The following FLYWCH1 variants were observed in gnomAD, a reference collection of about 807,000 sequenced individuals.
FLYWCH1 encodes FLYWCH-type zinc finger 1, also known as FLYWCH-type zinc finger-containing protein 1.
FLYWCH1 carries 75 observed loss-of-function variants against 66.4 expected under a neutral mutation model. That is an observed-to-expected ratio of 1.13 (90% CI 0.94 to 1.37). The LOEUF (loss-of-function observed/expected upper bound fraction) is 1.37. Among genes scored for constraint, FLYWCH1 ranks in the 40% most tolerant of loss-of-function variants. The pLI, the probability that FLYWCH1 is intolerant of heterozygous loss-of-function variation, is 0.00. For missense variants in FLYWCH1, 1,334 were observed against 1,001.8 expected (o/e 1.33, Z -4.48); for synonymous variants, 595 against 429.9 (o/e 1.38, Z -4.75).
intron 2 of FLYWCH1, among the ~76,000 whole-genome samples, chr16:2,927,299 G>A (rs1002812127): frequency 6.6e-6 from 1 of 152,182 alleles, no homozygotes; most frequent in African/African-American, 2.4e-5. Flanking sequence ...ATCTTGAGGC[G>A]TGGCAGTTCC....
chr16:2,919,947 T>A (rs2070311251), intron 2 of FLYWCH1, among the ~76,000 whole-genome samples: 1 of 152,078 alleles, frequency 6.6e-6, no homozygotes, highest in African/African-American at 2.4e-5. Flanking sequence ...AGACTCCAGG[T>A]GGCCTCTGGT....
intron 8 of FLYWCH1, 37 bp from the exon 9 acceptor site, chr16:2,939,995 G>T (rs1373221829): frequency 1.9e-6 from 3 of 1,567,338 alleles, no homozygotes; most frequent in Admixed American, 1.9e-5. Context: ...AACAAGAGAA[G>T]AATTATTAAT....
intron 2 of FLYWCH1, among the ~76,000 whole-genome samples, chr16:2,919,499 C>T (rs2070292376): frequency 2.0e-5 from 3 of 151,006 alleles, no homozygotes; most frequent in East Asian, 2.0e-4. Flanking sequence ...CTCTTGACCT[C>T]GTGATCCGCC....
intron 2 of FLYWCH1, among the ~76,000 whole-genome samples, chr16:2,916,154 C>G (rs1422684290): frequency 2.6e-5 from 4 of 152,096 alleles, no homozygotes; most frequent in African/African-American, 9.7e-5. Context: ...CGAGACCAGC[C>G]TGGCCAACAT....
At position 2,936,672 on chromosome 16, in the gene FLYWCH1, G is replaced by C. The variant is rs1014453595; in HGVS notation, c.1514-449G>C. On this transcript the variant is annotated intron_variant, in intron 6 of 9. Coordinates refer to ENST00000253928, the MANE Select transcript of FLYWCH1 (RefSeq NM_001308068.2). ...GACGCTGCTCCCTGCCTCTTCCTCA[G>C]AGTCCTGGGGTCACACCTCTACCTG... 2.2e-5 allele frequency: 10 copies of C among 460,924 alleles called. 1 individual carries two copies. The highest frequency in any genetic ancestry group is 4.3e-5 in the Non-Finnish European group (10 of 230,276). The allele number at this position is 460,924 out of a possible 1,614,324, so 28.6% of individuals were successfully genotyped here. A position where few individuals can be genotyped will look rare whatever the true frequency, so the allele number is the denominator to read the frequency against.
rs116081101 is a variant in FLYWCH1, at chr16:2,937,401, C to T, written c.1777+17C>T. 8.8e-4 allele frequency: 1,333 copies of T among 1,520,390 alleles called. 13 individuals are homozygous for T. In the African/African-American group the frequency reaches 0.017, roughly 19 times the overall value. The allele number at this position is 1,520,390 out of a possible 1,614,324, so 94.2% of individuals were successfully genotyped here. ...ACAGCCCAGGTGCGTGTGGAGGGTG[C>T]TGGGCTGGGTCTGCCTGGTCTCCCA... On this transcript the variant is annotated intron_variant, in intron 7 of 9. Coordinates refer to ENST00000253928, the MANE Select transcript of FLYWCH1 (RefSeq NM_001308068.2).
chr16:2,930,956 A>C, intron 4 of FLYWCH1, 76 bp downstream of exon 4: 5 of 1,124,650 alleles, frequency 4.4e-6, no homozygotes, highest in Non-Finnish European at 6.2e-6. Flanking sequence ...CCAAATAGAA[A>C]TGTGGGGTCC....
chr16:2,933,060 TCTG>T, intron 4 of FLYWCH1, 67 bp from the exon 5 acceptor site: 4 of 1,338,440 alleles, frequency 3.0e-6, no homozygotes, highest in Non-Finnish European at 4.1e-6. Flanking sequence ...GCCCCCACAG[TCTG>T]CAGGGGCTGT....
chr16:2,912,822 C>G (rs1395542302), intron 1 of FLYWCH1, among the ~76,000 whole-genome samples: 1 of 152,166 alleles, frequency 6.6e-6, no homozygotes, highest in Admixed American at 6.5e-5. Flanking sequence ...GCCTGTTGTT[C>G]CTTTATTCCT....
chr16:2,930,996 T>A, intron 4 of FLYWCH1, 116 bp downstream of exon 4: 1 of 802,722 alleles, frequency 1.2e-6, no homozygotes, highest in Non-Finnish European at 1.9e-6. Flanking sequence ...TACTCAAAGC[T>A]AAAATGACTT....
intron 2 of FLYWCH1, among the ~76,000 whole-genome samples, chr16:2,915,755 C>G (rs562828836): frequency 1.3e-5 from 2 of 151,280 alleles, no homozygotes; most frequent in South Asian, 2.1e-4. Flanking sequence ...TGAGATCTAG[C>G]CACTGCTCCC....
At chr16:2,925,048 C>T (rs2070509846) in intron 2 of FLYWCH1, among the ~76,000 whole-genome samples, 1 of 152,234 alleles carries the variant, frequency 6.6e-6, no homozygotes, top group Admixed American at 6.5e-5. Flanking sequence ...AGGCCCCTGC[C>T]CGCCTGCACT....
chr16:2,943,259 C>T (rs529233215), intron 9 of FLYWCH1: 5 of 152,116 alleles, frequency 3.3e-5, no homozygotes, highest in South Asian at 2.1e-4. Context: ...TGTCACAGCT[C>T]GAGGCTGGAG....
At chr16:2,927,089 C>G (rs1567328029) in intron 2 of FLYWCH1, among the ~76,000 whole-genome samples, 1 of 152,220 alleles carries the variant, frequency 6.6e-6, no homozygotes, top group Admixed American at 6.5e-5. Flanking sequence ...AGGTCCAATA[C>G]AGACCTCAAG....
rs753694802 is a variant in FLYWCH1 at position 2,933,294 on chromosome 16, C to G, written c.961C>G (p.Gln321Glu). 1 of 1,612,056 alleles carries G rather than the reference C, an allele frequency of 6.2e-7. No individual in the cohort carries two copies. The highest frequency in any genetic ancestry group is 1.1e-5 in the South Asian group (1 of 90,880). ...GCRSRAITQG[Q>E]RVTVMRGHCH... The stretch of plus-strand genomic sequence containing the variant: ...CCGGAGCCGGGCCATCACCCAGGGA[C>G]AGCGGGTGACTGTGATGCGTGGGCA... The change falls in exon 5 of 10, where the codon CAG becomes GAG. Residue 321 changes from glutamine (Q) to glutamate (E), a missense_variant. Physicochemically the swap from Gln to Glu is conservative, Grantham distance 29. Coordinates refer to ENST00000253928, the MANE Select transcript of FLYWCH1 (RefSeq NM_001308068.2).
intron 2 of FLYWCH1, chr16:2,922,940 C>G: frequency 1.9e-6 from 1 of 524,022 alleles, no homozygotes; most frequent in Middle Eastern, 3.3e-4. Flanking sequence ...GGCGCTCTTC[C>G]GAGGATATTT....
intron 9 of FLYWCH1, among the ~76,000 whole-genome samples, chr16:2,945,363 GT>G (rs1436311290): frequency 6.6e-6 from 1 of 151,866 alleles, no homozygotes; most frequent in Non-Finnish European, 1.5e-5. Flanking sequence ...GCGTGTGCCT[GT>G]AATCCCAGCT....
chr16:2,930,302 G>A (rs543619655), intron 3 of FLYWCH1, 108 bp from the exon 4 acceptor site: 3 of 703,020 alleles, frequency 4.3e-6, no homozygotes, highest in East Asian at 2.8e-5. Context: ...GGAGCAGGAG[G>A]AGAAGGCACC....
chr16:2,933,740 C>A lies in FLYWCH1; in HGVS notation c.1274C>A (p.Pro425His), dbSNP rs1412794969. The A allele has an allele frequency of 1.2e-6, 2 of 1,611,188 alleles. No homozygotes were observed. Among genetic ancestry groups the A allele is most frequent in the Non-Finnish European group, 1.7e-6 (2 of 1,178,906 alleles). ...DPGGPEFLKTPLGGSFLVYES... is the reference protein window; with the variant it reads ...DPGGPEFLKTHLGGSFLVYES... ...GGAGGCCCTGAGTTCCTGAAGACGC[C>A]CCTGGGGGGCAGCTTCCTGGTGTAC... Residue 425 changes from proline (P) to histidine (H), a missense_variant, in exon 6 of 10, where the codon CCC (proline) becomes CAC (histidine). Physicochemically the swap from Pro to His is moderately conservative, Grantham distance 77. Transcript: ENST00000253928.
Sources: gnomAD v4.1 joint callset for allele counts (sites outside exome capture counted in the v4.1 genomes callset) on GRCh38, gnomAD v4.1.1 for gene constraint, MANE v1.5 for transcripts, NCBI Gene and HGNC (gene_info 2026-07-23, HGNC 2026-07-21) for gene names.